The following MAPT variants were observed in gnomAD, a reference collection of about 807,000 sequenced individuals.
The protein encoded by MAPT is microtubule-associated protein tau.
A neutral mutation model predicts 67.9 loss-of-function variants in MAPT; 34 were observed. The observed-to-expected ratio is 0.50, with a 90% CI of 0.38 to 0.67. MAPT has a LOEUF of 0.67. Ranked by LOEUF, MAPT falls within the 30% of genes least tolerant of loss-of-function variation. MAPT has a pLI of 0.00. For synonymous variants in MAPT, 456 were observed against 464.5 expected (o/e 0.98, Z 0.23); for missense variants, 881 against 1,115.2 (o/e 0.79, Z 2.99).
At chr17:46,018,797 A>G (rs2076346549) in intron 12 of MAPT, 67 bp downstream of exon 12, 2 of 1,158,308 alleles carry the variant, frequency 1.7e-6, no homozygotes, top group African/African-American at 3.0e-5. Context: ...TTGAGTGGAC[A>G]AAGGCTGGTC....
chr17:45,971,970 T>G lies in MAPT; in HGVS notation c.220+25T>G. 2 of 1,565,966 alleles carry G rather than the reference T, an allele frequency of 1.3e-6. No individual in the cohort carries two copies. Among genetic ancestry groups the G allele is most frequent in the Non-Finnish European group, 1.8e-6 (2 of 1,136,376 alleles). Reference sequence around the variant, plus strand: ...GGTGGGCCCCCCTTCAGACGCCCCCTCCATGCCTCCAGCCTGTGCTTAGCC... The same window carrying G: ...GGTGGGCCCCCCTTCAGACGCCCCCGCCATGCCTCCAGCCTGTGCTTAGCC... On this transcript the variant is annotated intron_variant, in intron 3 of 12. Coordinates refer to ENST00000262410, the MANE Select transcript of MAPT (RefSeq NM_001377265.1). This position sits in a 1 kb window ranked among gnomAD's most constrained non-coding sequence, Gnocchi z 4.3.
rs561263819 is a variant in MAPT, at chr17:46,008,627, T to C, written c.1999-1683T>C. Among the ~76,000 whole-genome samples, 13 of 152,276 alleles carry C rather than the reference T, an allele frequency of 8.5e-5. No individual in the cohort carries two copies. The South Asian group carries it at 2.7e-3, about 32-fold the overall frequency. On this transcript the variant is annotated intron_variant, in intron 9 of 12. Coordinates refer to ENST00000262410, the MANE Select transcript of MAPT (RefSeq NM_001377265.1). ...TCTTTTGAAGGAACATAAAAGATTA[T>C]GAAGAAATGAGTTAGATATTGATTC...
At chr17:45,979,554 G>T (rs2072735788) in intron 4 of MAPT, 1 of 152,210 alleles carries the variant, frequency 6.6e-6, no homozygotes, top group Non-Finnish European at 1.5e-5. Flanking sequence ...ATGTCACATG[G>T]CACAGAAAGG....
chr17:45,895,863 G>C (rs1420091695), intron 1 of MAPT: 1 of 152,302 alleles, frequency 6.6e-6, no homozygotes, highest in Non-Finnish European at 1.5e-5. Flanking sequence ...GGACAGGGCG[G>C]GGCCTGGCAT....
At chr17:45,978,568 G>A in intron 4 of MAPT, 128 bp downstream of exon 4, 1 of 734,978 alleles carries the variant, frequency 1.4e-6, no homozygotes, top group African/African-American at 1.8e-5. Flanking sequence ...TAGGGAGTTG[G>A]TTCTTATCAA....
At chr17:45,903,920 T>TATATATA (rs2063859647) in intron 1 of MAPT, among the ~76,000 whole-genome samples, 3 of 20,350 alleles carry the variant, frequency 1.5e-4, no homozygotes, top group African/African-American at 6.1e-4. Context: ...ATTATATATT[T>TATATATA]ATATATATTA....
chr17:45,941,673 CCCTTCCCTCCTT>C (rs2067923733), intron 1 of MAPT, among the ~76,000 whole-genome samples: 1 of 28,456 alleles, frequency 3.5e-5, no homozygotes, highest in South Asian at 2.5e-3. Context: ...CCCCCTTCCC[CCCTTCCCTCCTT>C]CCTTCCTTCC....
At chr17:46,012,400 C>T (rs952846591) in intron 10 of MAPT, among the ~76,000 whole-genome samples, 3 of 152,120 alleles carry the variant, frequency 2.0e-5, no homozygotes, top group Admixed American at 6.5e-5. Context: ...TGCTTGTCTG[C>T]GGTCTAGCCT....
rs146189836 is a variant in MAPT, at chr17:45,998,808, C to T, written c.1998+2144C>T. 1.9e-3 allele frequency among the ~76,000 whole-genome samples: 283 copies of T among 152,292 alleles called. 2 individuals are homozygous for T. Among genetic ancestry groups the T allele is most frequent in the African/African-American group, 6.4e-3 (264 of 41,556 alleles). The stretch of plus-strand genomic sequence containing the variant: ...CAGTCCTCATTCGGTTCTCGAAAGT[C>T]GCCTCCAGAAGCCCCATCTTGGGAC... On this transcript the variant is annotated intron_variant, in intron 9 of 12. Transcript: ENST00000262410.
chr17:46,019,200 G>C (rs2076368789), intron 12 of MAPT, among the ~76,000 whole-genome samples: 1 of 152,174 alleles, frequency 6.6e-6, no homozygotes, highest in African/African-American at 2.4e-5. Flanking sequence ...AGGCAAGAGA[G>C]CGTGTGCAGG....
At chr17:46,002,729 C>A (rs932984443) in intron 9 of MAPT, among the ~76,000 whole-genome samples, 3 of 152,184 alleles carry the variant, frequency 2.0e-5, no homozygotes, top group Admixed American at 2.0e-4. Flanking sequence ...AATGCTGTAA[C>A]TTTCTTGGTT....
Position 45,988,765 on chromosome 17 carries a change from A to G in MAPT, c.1408-1113A>G, listed in dbSNP as rs115642129. ...ACATAGCAAGACCCCATCTCAAAAA[A>G]AAAATTTAATTGGCCAGGCAGAGGT... is the stretch of plus-strand genomic sequence containing the variant. On this transcript the variant is annotated intron_variant, in intron 6 of 12. Transcript: ENST00000262410. Among the ~76,000 whole-genome samples the G allele has an allele frequency of 8.4e-3, 1,279 of 152,202 alleles. 24 individuals are homozygous for G. Among genetic ancestry groups the G allele is most frequent in the African/African-American group, 0.03 (1,232 of 41,504 alleles).
rs569702706 is a variant in MAPT, at chr17:46,015,584, G to C, written c.2173+1260G>C. ...TGAGGCAGGAGAATGGCATGAACCT[G>C]GGAGGCGGAGCTTGCAGTGAGCCGA... On this transcript the variant is annotated intron_variant, in intron 11 of 12. Transcript: ENST00000262410. Among the ~76,000 whole-genome samples the C allele has an allele frequency of 2.0e-5, 3 of 152,118 alleles. No homozygotes were observed. The South Asian group carries it at 6.2e-4, about 32-fold the overall frequency.
rs759382421 is a variant in MAPT at position 45,983,693 on chromosome 17, G to GC, written c.1120dup (p.Leu374ProfsTer52). ...TGTAGGGCGGGCCAAAGGGCAGGAT[G>GC]CCCCCCTGGAGTTCACGTTTCACGT... On this transcript the variant is annotated frameshift_variant, in exon 5 of 13. Transcript: ENST00000262410. LOFTEE classifies it high-confidence loss of function. The GC allele has an allele frequency of 1.2e-6, 2 of 1,614,078 alleles. No homozygotes were observed.
chr17:45,908,699 C>T (rs983080880), intron 1 of MAPT, among the ~76,000 whole-genome samples: 1 of 152,210 alleles, frequency 6.6e-6, no homozygotes, highest in Non-Finnish European at 1.5e-5. Context: ...TGCAACCTCA[C>T]AGGGTACTTT....
At chr17:45,921,840 T>C (rs2065755681) in intron 1 of MAPT, among the ~76,000 whole-genome samples, 1 of 152,108 alleles carries the variant, frequency 6.6e-6, no homozygotes, top group Non-Finnish European at 1.5e-5. Flanking sequence ...GAAGGACGTC[T>C]TGGGGGTATT....
At chr17:46,008,614 A>G (rs1369166704) in intron 9 of MAPT, among the ~76,000 whole-genome samples, 1 of 152,226 alleles carries the variant, frequency 6.6e-6, no homozygotes, top group African/African-American at 2.4e-5. Flanking sequence ...TTTTGAAGGA[A>G]CATAAAAGAT....
intron 1 of MAPT, among the ~76,000 whole-genome samples, chr17:45,928,645 G>C (rs2066573246): frequency 6.6e-6 from 1 of 151,828 alleles, no homozygotes; most frequent in South Asian, 2.1e-4. Context: ...AAATCCCTGG[G>C]GTAGGGCCAG....
chr17:45,908,155 C>T (rs1457212676), intron 1 of MAPT: 2 of 152,264 alleles, frequency 1.3e-5, no homozygotes, highest in African/African-American at 2.4e-5. Flanking sequence ...TGCTTCATGG[C>T]GCCGGTGACG....
Sources: gnomAD v4.1 joint callset for allele counts (sites outside exome capture counted in the v4.1 genomes callset) on GRCh38, gnomAD v4.1.1 for gene constraint, Gnocchi (gnomAD v3.1) non-coding constraint, MANE v1.5 for transcripts, NCBI Gene and HGNC (gene_info 2026-07-23, HGNC 2026-07-21) for gene names.